TMED6: variants seen among roughly 807,000 people sequenced by gnomAD.
The protein encoded by TMED6 is transmembrane emp24 domain-containing protein 6.
TMED6 carries 17 observed loss-of-function variants against 26.5 expected under a neutral mutation model. The observed-to-expected ratio is 0.64, with a 90% CI of 0.44 to 0.96. The LOEUF is 0.96. TMED6 is among the 40% of genes least tolerant of loss of function. The probability of loss-of-function intolerance (pLI) is 0.00; values close to 1 mark genes in which losing one functional copy is unlikely to be tolerated. For missense variants in TMED6, 309 were observed against 296.5 expected (o/e 1.04, Z -0.31); for synonymous variants, 107 against 106.2 (o/e 1.01, Z -0.04).
rs761098239 is a variant in TMED6, at chr16:69,347,854, CT to C, written c.422del (p.Glu141GlyfsTer15). 1 of 1,614,142 alleles carries C rather than the reference CT, an allele frequency of 6.2e-7. No homozygotes were observed. Among genetic ancestry groups the C allele is most frequent in the East Asian group, 2.2e-5 (1 of 44,876 alleles). ...QVYLNFGVFYEGPETDHKQKE... is the reference protein window; with the variant it reads ...QVYLNFGVFYXGPETDHKQKE... ...TCTGTTTGTGATCAGTCTCAGGCCC[CT>C]CATAGAAGACCCCAAAGTTGAGGTA... On this transcript the variant is annotated frameshift_variant, in exon 3 of 4. Coordinates refer to ENST00000288025, the MANE Select transcript of TMED6 (RefSeq NM_144676.4). LOFTEE classifies it high-confidence loss of function.
rs1236999133 is a variant in TMED6, at chr16:69,351,109, T to C, written c.213+432A>G. ...CTAGTGAATCTCTGACTTGCCAGAA[T>C]TGCTCCTAAAGGCAGCAGAACCTTT... On this transcript the variant is annotated intron_variant, in intron 1 of 3. Transcript: ENST00000288025. Among the ~76,000 whole-genome samples the C allele has an allele frequency of 9.2e-5, 14 of 152,234 alleles. No homozygotes were observed. In the South Asian group the frequency reaches 2.7e-3, roughly 29 times the overall value.
At chr16:69,347,171 T>C (rs2012699413) in intron 3 of TMED6, among the ~76,000 whole-genome samples, 1 of 152,064 alleles carries the variant, frequency 6.6e-6, no homozygotes, top group Non-Finnish European at 1.5e-5. Context: ...CTTCCAGAAT[T>C]AGATGCTGAT....
At chr16:69,349,997 C>T (rs561875212) in intron 1 of TMED6, among the ~76,000 whole-genome samples, 4 of 152,200 alleles carry the variant, frequency 2.6e-5, no homozygotes, top group Non-Finnish European at 4.4e-5. Flanking sequence ...CTGGGCCGGG[C>T]GCGGTGGCTC....
chr16:69,345,403 G>A (rs957040362), intron 3 of TMED6, among the ~76,000 whole-genome samples: 10 of 152,092 alleles, frequency 6.6e-5, no homozygotes, highest in African/African-American at 1.9e-4. Flanking sequence ...GACAATTCAG[G>A]CAGGGTGCGG....
chr16:69,346,782 C>A (rs1358911103), intron 3 of TMED6, among the ~76,000 whole-genome samples: 3 of 152,046 alleles, frequency 2.0e-5, no homozygotes, highest in Admixed American at 2.0e-4. Flanking sequence ...AAGCCAGTCA[C>A]AAAATCCCAT....
chr16:69,346,447 C>G lies in TMED6; in HGVS notation c.489+1341G>C, dbSNP rs78351259. Among the ~76,000 whole-genome samples, 1,161 of 152,270 alleles carry G rather than the reference C, an allele frequency of 7.6e-3. 10 individuals are homozygous for G. The highest frequency in any genetic ancestry group is 0.024 in the African/African-American group (1,006 of 41,546). On this transcript the variant is annotated intron_variant, in intron 3 of 3. Transcript: ENST00000288025. ...TGATACATGCTACAACATGGATGAA[C>G]GTTGAGAACATGCTAAATTAAAGAA...
At chr16:69,348,170 T>C (rs2012716184) in intron 2 of TMED6, 1 of 392,910 alleles carries the variant, frequency 2.5e-6, no homozygotes, top group Non-Finnish European at 4.6e-6. Flanking sequence ...CCATACTGGG[T>C]AGTGGCAAAC....
At position 69,347,913 on chromosome 16, in the gene TMED6, T is replaced by C. The variant is rs1220498080; in HGVS notation, c.364A>G (p.Asn122Asp). 2 of 1,614,112 alleles carry C rather than the reference T, an allele frequency of 1.2e-6. No homozygotes were observed. Among genetic ancestry groups the C allele is most frequent in the Non-Finnish European group, 1.7e-6 (2 of 1,179,980 alleles). Reference protein sequence around the residue: ...ETGFYQLCLSNQHNHFGSVQV... With the variant: ...ETGFYQLCLSDQHNHFGSVQV... ...ACAGAACCGAAGTGATTATGCTGAT[T>C]ACTTAGACAAAGCTGATAAAAACCT... Residue 122 changes from asparagine (N) to aspartate (D), a missense_variant, in exon 3 of 4, where the codon AAT becomes GAT. Physicochemically the swap from Asn to Asp is conservative, Grantham distance 23. Coordinates refer to ENST00000288025, the MANE Select transcript of TMED6 (RefSeq NM_144676.4).
chr16:69,345,422 G>A lies in TMED6; in HGVS notation c.490-1782C>T, dbSNP rs868245469. Reference sequence around the variant, plus strand: ...ATTCAGGCAGGGTGCGGTGGCTCACGCCTGTATTCCCAGCACTTTGAGAGG... The same window carrying A: ...ATTCAGGCAGGGTGCGGTGGCTCACACCTGTATTCCCAGCACTTTGAGAGG... On this transcript the variant is annotated intron_variant, in intron 3 of 3. Coordinates refer to ENST00000288025, the MANE Select transcript of TMED6 (RefSeq NM_144676.4). Among the ~76,000 whole-genome samples the A allele has an allele frequency of 3.3e-5, 5 of 152,116 alleles. No individual in the cohort carries two copies. The East Asian group carries it at 7.8e-4, about 24-fold the overall frequency.
Position 69,343,323 on chromosome 16 carries a change from A to G in TMED6, c.*84T>C. ...CAGCAGACTAAAACATTAATGAGAT[A>G]ATTGATTTTTGTCCCATAACATTAC... On this transcript the variant is annotated 3_prime_UTR_variant, in exon 4 of 4. Coordinates refer to ENST00000288025, the MANE Select transcript of TMED6 (RefSeq NM_144676.4). The G allele has an allele frequency of 8.3e-7, 1 of 1,201,570 alleles. No individual in the cohort carries two copies. The highest frequency in any genetic ancestry group is 1.2e-6 in the Non-Finnish European group (1 of 856,402). 74.4% of individuals were successfully genotyped at this position (1,201,570 alleles called of 1,614,324 possible).
chr16:69,348,671 A>G (rs2012727382), intron 2 of TMED6, among the ~76,000 whole-genome samples: 1 of 152,004 alleles, frequency 6.6e-6, no homozygotes, highest in Non-Finnish European at 1.5e-5. Flanking sequence ...ACCGGAGTGC[A>G]ATGGCGCGCT....
At chr16:69,345,169 C>T (rs551198110) in intron 3 of TMED6, among the ~76,000 whole-genome samples, 5 of 151,824 alleles carry the variant, frequency 3.3e-5, no homozygotes, top group African/African-American at 1.2e-4. Context: ...CCCAGCTACT[C>T]AGGAGGCCGA....
In TMED6 at chr16:69,349,593, G is replaced by C. The variant is rs961312423; in HGVS notation, c.272C>G (p.Pro91Arg). 3 of 1,613,946 alleles carry C rather than the reference G, an allele frequency of 1.9e-6. No homozygotes were observed. The highest frequency in any genetic ancestry group is 2.5e-6 in the Non-Finnish European group (3 of 1,179,940). ...DRHVAATAHN[P>R]QGFLIDTSQG... The stretch of plus-strand genomic sequence containing the variant: ...GGAGGTGTCTATGAGAAATCCCTGT[G>C]GGTTATGTGCCGTGGCAGCAACATG... Residue 91 changes from proline (P) to arginine (R), a missense_variant, in exon 2 of 4, where the codon CCA (proline) becomes CGA (arginine). Transcript: ENST00000288025.
intron 2 of TMED6, 135 bp from the exon 3 acceptor site, chr16:69,348,071 G>C (rs1049225447): frequency 1.1e-6 from 1 of 933,688 alleles, no homozygotes; most frequent in East Asian, 2.5e-5. Flanking sequence ...CAAAGATCCC[G>C]TTTTTGACAT....
chr16:69,349,534 G>T lies in TMED6; in HGVS notation c.331C>A (p.Gln111Lys). Residue 111 changes from glutamine (Q) to lysine (K), a missense_variant, in exon 2 of 4, where the codon CAA becomes AAA. Gln to Lys is a moderately conservative substitution (Grantham distance 53). Coordinates refer to ENST00000288025, the MANE Select transcript of TMED6 (RefSeq NM_144676.4). ...GVRGQINFST[Q>K]ETGFYQLCLS... is the part of the protein sequence containing the mutation. ...GGTAATGAAAACAGACCTGTCTCTT[G>T]GGTAGAGAAGTTAATCTGGCCCCGA... The T allele has an allele frequency of 6.2e-7, 1 of 1,613,564 alleles. No homozygotes were observed. The highest frequency in any genetic ancestry group is 8.5e-7 in the Non-Finnish European group (1 of 1,179,716).
chr16:69,351,131 C>T (rs1256058778), intron 1 of TMED6, among the ~76,000 whole-genome samples: 1 of 152,142 alleles, frequency 6.6e-6, no homozygotes, highest in Admixed American at 6.5e-5. Context: ...GCAGCAGAAC[C>T]TTTACTCCCC....
intron 3 of TMED6, among the ~76,000 whole-genome samples, chr16:69,345,154 G>A (rs991597386): frequency 2.6e-5 from 4 of 152,148 alleles, no homozygotes; most frequent in Non-Finnish European, 5.9e-5. Context: ...GCACACGCCT[G>A]TAGTCCCAGC....
At chr16:69,349,227 T>C (rs1420375902) in intron 2 of TMED6, among the ~76,000 whole-genome samples, 3 of 152,252 alleles carry the variant, frequency 2.0e-5, no homozygotes, top group Non-Finnish European at 2.9e-5. Context: ...TTCTGTATTA[T>C]AAATGGGTCT....
In TMED6 at chr16:69,351,011, T is replaced by C. The variant is rs35329314; in HGVS notation, c.213+530A>G. Reference sequence around the variant, plus strand: ...TGGGTAAAAGTACTTGACCTTTGAATAAGTAACTTGAAAACACTTACCGTC... The same window carrying C: ...TGGGTAAAAGTACTTGACCTTTGAACAAGTAACTTGAAAACACTTACCGTC... On this transcript the variant is annotated intron_variant, in intron 1 of 3. Coordinates refer to ENST00000288025, the MANE Select transcript of TMED6 (RefSeq NM_144676.4). 5.8e-3 allele frequency among the ~76,000 whole-genome samples: 884 copies of C among 151,866 alleles called. 4 individuals are homozygous for C. Among genetic ancestry groups the C allele is most frequent in the Non-Finnish European group, 9.4e-3 (638 of 67,946 alleles).
Sources: allele counts gnomAD v4.1 joint callset (sites outside exome capture counted in the v4.1 genomes callset), GRCh38; gene constraint gnomAD v4.1.1; transcripts MANE v1.5; gene names NCBI Gene and HGNC (gene_info 2026-07-23, HGNC 2026-07-21).